The following COL4A4 variants were observed in gnomAD, a reference collection of about 807,000 sequenced individuals.
COL4A4 encodes the protein collagen type IV alpha 4 chain, also known as collagen alpha-4(IV) chain.
COL4A4 carries 105 observed loss-of-function variants against 192.9 expected under a neutral mutation model. That is an observed-to-expected ratio of 0.54 (90% CI 0.46 to 0.64). The LOEUF is 0.64. Among genes scored for constraint, COL4A4 ranks in the 30% least tolerant of loss-of-function variants. The probability of loss-of-function intolerance (pLI) is 0.00; values close to 1 mark genes in which losing one functional copy is unlikely to be tolerated. For missense variants in COL4A4, 1,967 were observed against 2,169.3 expected (o/e 0.91, Z 1.85); for synonymous variants, 762 against 769.9 (o/e 0.99, Z 0.17).
chr2:227,017,534 C>T (rs557597192), intron 44 of COL4A4, among the ~76,000 whole-genome samples: 1 of 152,300 alleles, frequency 6.6e-6, no homozygotes, highest in South Asian at 2.1e-4. Context: ...CAGTTCAAAA[C>T]AAAATGGAAA....
At chr2:227,129,620 G>C (rs1390648723) in intron 4 of COL4A4, among the ~76,000 whole-genome samples, 1 of 152,052 alleles carries the variant, frequency 6.6e-6, no homozygotes, top group Non-Finnish European at 1.5e-5. Flanking sequence ...TGTTGGCCAG[G>C]CTGGTCTCGA....
At chr2:226,982,033 T>C in the COL4A4 span, among the ~76,000 whole-genome samples, 1 of 152,244 alleles carries the variant, frequency 6.6e-6, no homozygotes, top group South Asian at 2.1e-4. Context: ...GCTATCATAC[T>C]TTTGATAAGT....
the COL4A4 span, among the ~76,000 whole-genome samples, chr2:226,994,386 A>G: frequency 1.3e-5 from 2 of 152,156 alleles, no homozygotes; most frequent in Non-Finnish European, 2.9e-5. Context: ...AATGAAGACA[A>G]ACAAACGGAA....
chr2:227,074,219 C>A (rs1235595662), intron 25 of COL4A4, among the ~76,000 whole-genome samples: 1 of 151,856 alleles, frequency 6.6e-6, no homozygotes. Flanking sequence ...AACAAATAAT[C>A]CCATTAAAAA....
intron 35 of COL4A4, 98 bp downstream of exon 35, chr2:227,047,377 G>T: frequency 1.1e-6 from 1 of 875,780 alleles, no homozygotes; most frequent in Non-Finnish European, 1.9e-6. Flanking sequence ...AAAGGGGTAA[G>T]AAAATATTGA....
intron 38 of COL4A4, 32 bp downstream of exon 38, chr2:227,033,378 C>A: frequency 6.5e-7 from 1 of 1,548,952 alleles, no homozygotes. Flanking sequence ...TGGACTGAAG[C>A]TCAGTCTGTT....
At chr2:227,154,922 G>C (rs957695852) in intron 1 of COL4A4, among the ~76,000 whole-genome samples, 2 of 152,040 alleles carry the variant, frequency 1.3e-5, no homozygotes, top group African/African-American at 4.8e-5. Flanking sequence ...CCACCTTTTG[G>C]GGTTGACCCT....
intron 9 of COL4A4, among the ~76,000 whole-genome samples, chr2:227,110,304 T>C (rs1436903907): frequency 6.6e-6 from 1 of 152,226 alleles, no homozygotes; most frequent in Non-Finnish European, 1.5e-5. Context: ...ATTTATTACA[T>C]GGACCTGAGC....
intron 31 of COL4A4, among the ~76,000 whole-genome samples, chr2:227,053,263 TAAAACAA>T (rs1974526351): frequency 6.6e-6 from 1 of 152,004 alleles, no homozygotes; most frequent in Admixed American, 6.6e-5. Flanking sequence ...TACAAGCTAG[TAAAACAA>T]AAAATTGTGG....
chr2:227,078,667 A>G (rs1426979069), intron 24 of COL4A4, among the ~76,000 whole-genome samples: 1 of 152,232 alleles, frequency 6.6e-6, no homozygotes, highest in African/African-American at 2.4e-5. Context: ...ATTCTCTAAT[A>G]TCATATGTCA....
At chr2:227,077,363 C>A (rs2059079275) in intron 25 of COL4A4, among the ~76,000 whole-genome samples, 1 of 152,090 alleles carries the variant, frequency 6.6e-6, no homozygotes, top group Non-Finnish European at 1.5e-5. Flanking sequence ...AAGCTGGAAG[C>A]TATCAATCTC....
intron 5 of COL4A4, 129 bp downstream of exon 5, chr2:227,120,885 G>T (rs1219010097): frequency 8.1e-7 from 1 of 1,238,174 alleles, no homozygotes; most frequent in Non-Finnish European, 1.1e-6. Context: ...GCTGCAGTGA[G>T]CTGAGATCCC....
rs775592135 is a variant in COL4A4, at chr2:227,027,961, G to T, written c.4022C>A (p.Pro1341Gln). 1 of 1,613,794 alleles carries T rather than the reference G, an allele frequency of 6.2e-7. No individual in the cohort carries two copies. The highest frequency in any genetic ancestry group is 1.7e-5 in the Admixed American group (1 of 59,988). The change falls in exon 42 of 48, where the codon CCA (proline) becomes CAA (glutamine). Residue 1341 changes from proline to glutamine, a missense_variant. Transcript: ENST00000396625. ...GPQGPHGFPGPPGEKGLPGPP... is the reference protein window; with the variant it reads ...GPQGPHGFPGQPGEKGLPGPP... ...TCCAGGTAAACCCTTCTCTCCAGGTGGCCCAGGAAATCCATGTGGTCCCTG... is the reference window on the plus strand; with the variant it reads ...TCCAGGTAAACCCTTCTCTCCAGGTTGCCCAGGAAATCCATGTGGTCCCTG...
chr2:227,080,460 C>T lies in COL4A4; in HGVS notation c.1786G>A (p.Gly596Arg). 6.2e-7 allele frequency: 1 copy of T among 1,614,100 alleles called. No individual in the cohort carries two copies. The highest frequency in any genetic ancestry group is 8.5e-7 in the Non-Finnish European group (1 of 1,180,004). ...HGRDGHAGEK[G>R]DPGPPGDHED... ...CTACATACTGGAGGTCCTGGATCCC[C>T]TTTTTCTCCAGCATGTCCATCCCGA... The change falls in exon 24 of 48, where the codon GGG becomes AGG. Residue 596 changes from glycine to arginine, a missense_variant. Transcript: ENST00000396625.
the COL4A4 span, among the ~76,000 whole-genome samples, chr2:226,993,913 T>C: frequency 6.6e-6 from 1 of 152,204 alleles, no homozygotes; most frequent in Non-Finnish European, 1.5e-5. Flanking sequence ...TTTGAAAAGG[T>C]GCCACTCTTG....
At chr2:226,989,667 G>A in the COL4A4 span, among the ~76,000 whole-genome samples, 1 of 152,160 alleles carries the variant, frequency 6.6e-6, no homozygotes, top group Non-Finnish European at 1.5e-5. Context: ...TATATTGCAG[G>A]AAACACTGAC....
chr2:227,020,384 G>A (rs964772091), intron 44 of COL4A4, among the ~76,000 whole-genome samples: 2 of 152,100 alleles, frequency 1.3e-5, no homozygotes, highest in Middle Eastern at 3.2e-3. Context: ...CTCACGGGCC[G>A]TTAAAAAAAG....
At chr2:226,970,856 G>T in the COL4A4 span, among the ~76,000 whole-genome samples, 1 of 152,080 alleles carries the variant, frequency 6.6e-6, no homozygotes, top group Non-Finnish European at 1.5e-5. Flanking sequence ...GAGGGATATC[G>T]TGCCCATCAT....
rs187455624 is a variant in COL4A4 at position 227,062,104 on chromosome 2, G to A, written c.2056+426C>T. 5.9e-5 allele frequency among the ~76,000 whole-genome samples: 9 copies of A among 152,156 alleles called. No individual in the cohort carries two copies. In the East Asian group the frequency reaches 1.7e-3, roughly 29 times the overall value. On this transcript the variant is annotated intron_variant, in intron 26 of 47. Coordinates refer to ENST00000396625, the MANE Select transcript of COL4A4 (RefSeq NM_000092.5). ...AACACAAAAATTAGCCGGGCACGGT[G>A]GCGGGTACCTGTAGTCCCAGCTACT...
Sources: allele counts gnomAD v4.1 joint callset (sites outside exome capture counted in the v4.1 genomes callset), GRCh38; gene constraint gnomAD v4.1.1; transcripts MANE v1.5; gene names NCBI Gene and HGNC (gene_info 2026-07-23, HGNC 2026-07-21).